KLF12: variants seen among roughly 807,000 people sequenced by gnomAD.
The protein encoded by KLF12 is Krueppel-like factor 12.
A neutral mutation model predicts 37.8 loss-of-function variants in KLF12; 9 were observed. That is an observed-to-expected ratio of 0.24 (90% CI 0.14 to 0.42). The LOEUF (loss-of-function observed/expected upper bound fraction) is 0.42, where lower values mean the gene tolerates loss of function less well. Ranked by LOEUF, KLF12 falls within the 10% of genes least tolerant of loss-of-function variation. The pLI is 1.00. For missense variants in KLF12, 411 were observed against 516.0 expected (o/e 0.80, Z 1.97); for synonymous variants, 208 against 202.1 (o/e 1.03, Z -0.25).
intron 7 of KLF12, 48 bp from the exon 8 acceptor site, chr13:73,695,719 T>C (rs1011947813): frequency 1.3e-6 from 2 of 1,566,498 alleles, no homozygotes; most frequent in African/African-American, 2.7e-5. Flanking sequence ...TCCATCACTT[T>C]GCCATAACCA....
chr13:74,221,828 A>T, the KLF12 span, among the ~76,000 whole-genome samples: 1 of 152,056 alleles, frequency 6.6e-6, no homozygotes, highest in Non-Finnish European at 1.5e-5. Context: ...GCAATTTCCT[A>T]CCAAAGTCTA....
chr13:74,261,464 C>T, the KLF12 span, among the ~76,000 whole-genome samples: 1 of 152,072 alleles, frequency 6.6e-6, no homozygotes, highest in Non-Finnish European at 1.5e-5. Context: ...ATTTCATTTT[C>T]CCATTCTATT....
intron 2 of KLF12, among the ~76,000 whole-genome samples, chr13:73,956,740 G>A (rs1423757993): frequency 6.6e-6 from 1 of 151,862 alleles, no homozygotes; most frequent in African/African-American, 2.4e-5. Flanking sequence ...TGGCAACATA[G>A]CAAGACCCCA....
At chr13:73,702,846 T>C (rs1262450925) in intron 7 of KLF12, among the ~76,000 whole-genome samples, 1 of 152,190 alleles carries the variant, frequency 6.6e-6, no homozygotes. Context: ...TCATGAAAGT[T>C]CACAGAATCT....
intron 3 of KLF12, among the ~76,000 whole-genome samples, chr13:73,905,133 T>C (rs1458987635): frequency 6.6e-6 from 1 of 152,186 alleles, no homozygotes; most frequent in Non-Finnish European, 1.5e-5. Flanking sequence ...TGCAATATTA[T>C]AAGCCAAAAA....
intron 3 of KLF12, among the ~76,000 whole-genome samples, chr13:73,867,716 C>A (rs1320276742): frequency 1.3e-5 from 2 of 151,976 alleles, no homozygotes; most frequent in Non-Finnish European, 2.9e-5. Context: ...ACAATGCGAC[C>A]CCACAGTGGG....
chr13:74,230,055 T>A, the KLF12 span, among the ~76,000 whole-genome samples: 1 of 152,222 alleles, frequency 6.6e-6, no homozygotes, highest in Non-Finnish European at 1.5e-5. Flanking sequence ...ACACATGATA[T>A]GATTTGGCTG....
At chr13:73,859,331 GGTT>G (rs1324155031) in intron 3 of KLF12, among the ~76,000 whole-genome samples, 2 of 152,168 alleles carry the variant, frequency 1.3e-5, no homozygotes, top group Non-Finnish European at 2.9e-5. Context: ...GTCTCACGGA[GGTT>G]GAAGACATTG....
intron 2 of KLF12, among the ~76,000 whole-genome samples, chr13:73,963,611 T>C (rs1032572146): frequency 6.6e-6 from 1 of 152,214 alleles, no homozygotes; most frequent in Non-Finnish European, 1.5e-5. Flanking sequence ...TAAAAAGTTT[T>C]CGGAAAAATA....
intron 1 of KLF12, among the ~76,000 whole-genome samples, chr13:74,070,209 G>A (rs1159095405): frequency 6.6e-6 from 1 of 152,210 alleles, no homozygotes; most frequent in Non-Finnish European, 1.5e-5. Flanking sequence ...GCATAGGAAT[G>A]ACATGAGAGC....
At chr13:74,102,484 G>C (rs1398014740) in intron 1 of KLF12, among the ~76,000 whole-genome samples, 1 of 151,824 alleles carries the variant, frequency 6.6e-6, no homozygotes, top group Non-Finnish European at 1.5e-5. Context: ...GATCACCTGA[G>C]GGTAGGAGTT....
At chr13:73,854,131 T>C (rs541071764) in intron 3 of KLF12, among the ~76,000 whole-genome samples, 9 of 152,222 alleles carry the variant, frequency 5.9e-5, no homozygotes, top group Non-Finnish European at 1.0e-4. Flanking sequence ...GTTCTTTTGG[T>C]TTTAAATTAA....
At position 73,773,738 on chromosome 13, in the gene KLF12, A is replaced by G. The variant is rs187607653; in HGVS notation, c.807-8738T>C. On this transcript the variant is annotated intron_variant, in intron 5 of 7. Transcript: ENST00000377669. ...TTTTGAAGTTGACCCAAATCTCAAC[A>G]CGGCCCGAATGCCTATCAGCCAGCC... Among the ~76,000 whole-genome samples, 437 of 152,282 alleles carry G rather than the reference A, an allele frequency of 2.9e-3. 9 individuals are homozygous for G. The highest frequency in any genetic ancestry group is 1.1e-3 in the Non-Finnish European group (72 of 68,024).
At chr13:73,846,860 CTAATT>C (rs1422844981) in intron 3 of KLF12, among the ~76,000 whole-genome samples, 1 of 152,136 alleles carries the variant, frequency 6.6e-6, no homozygotes, top group African/African-American at 2.4e-5. Context: ...CACCTGATCA[CTAATT>C]TATTAAATGG....
chr13:74,078,063 A>ATT, intron 1 of KLF12, among the ~76,000 whole-genome samples: 1 of 152,124 alleles, frequency 6.6e-6, no homozygotes, highest in Admixed American at 6.6e-5. Context: ...CTCCATGTGA[A>ATT]GTTTGTTTGT....
intron 3 of KLF12, among the ~76,000 whole-genome samples, chr13:73,935,626 G>T: frequency 6.6e-6 from 1 of 151,996 alleles, no homozygotes; most frequent in South Asian, 2.1e-4. Flanking sequence ...TTTCTGCCAT[G>T]ATTTATTTAT....
At chr13:73,877,479 A>G (rs1886767509) in intron 3 of KLF12, among the ~76,000 whole-genome samples, 2 of 152,108 alleles carry the variant, frequency 1.3e-5, no homozygotes, top group Admixed American at 1.3e-4. Flanking sequence ...ATTTTTGTCA[A>G]TATTTTGAAG....
At chr13:74,183,142 A>G in the KLF12 span, among the ~76,000 whole-genome samples, 1 of 152,172 alleles carries the variant, frequency 6.6e-6, no homozygotes. Flanking sequence ...AATAGTATTG[A>G]TTAATTGAGT....
At chr13:73,911,307 A>G (rs1888560764) in intron 3 of KLF12, among the ~76,000 whole-genome samples, 2 of 152,222 alleles carry the variant, frequency 1.3e-5, no homozygotes, top group Non-Finnish European at 2.9e-5. Flanking sequence ...ATGGTGTTAG[A>G]TGAATGAAAA....
Sources: allele counts gnomAD v4.1 joint callset (sites outside exome capture counted in the v4.1 genomes callset), GRCh38; gene constraint gnomAD v4.1.1; transcripts MANE v1.5; gene names NCBI Gene and HGNC (gene_info 2026-07-23, HGNC 2026-07-21).